PRSS53: variants seen among roughly 807,000 people sequenced by gnomAD.
The protein encoded by PRSS53 is EDTP308.
In PRSS53, 54 loss-of-function variants were observed where a neutral mutation model predicts 62.7. The ratio of observed to expected loss-of-function variants is 0.86; its 90% CI spans 0.69 to 1.08. PRSS53 has a LOEUF of 1.08. PRSS53 is among the 50% of genes least tolerant of loss of function. PRSS53 has a pLI of 0.00. For synonymous variants in PRSS53, 273 were observed against 300.0 expected, an observed-to-expected ratio of 0.91 and a Z score of 0.93; for missense variants, 688 against 728.3, an observed-to-expected ratio of 0.94 and a Z score of 0.64.
intron 1 of PRSS53, 77 bp from the exon 2 acceptor site, chr16:31,087,903 G>T (rs565753247): frequency 6.3e-7 from 1 of 1,590,302 alleles, no homozygotes; most frequent in Non-Finnish European, 8.6e-7. Flanking sequence ...GGATGGGCTG[G>T]GGGGCGGGCC....
intron 3 of PRSS53, 58 bp from the exon 4 acceptor site, chr16:31,086,956 T>G: frequency 6.7e-7 from 1 of 1,499,334 alleles, no homozygotes; most frequent in East Asian, 2.3e-5. Flanking sequence ...AGTGACACCA[T>G]GGGAGACCCC....
exon 5 of PRSS53, chr16:31,086,365 G>T (rs2143879240): frequency 6.2e-7 from 1 of 1,613,342 alleles, no homozygotes; most frequent in Middle Eastern, 1.7e-4. Context: ...CCCAGGCTGG[G>T]GGCCCCCACA....
At chr16:31,088,723 C>T in intron 1 of PRSS53, 29 bp downstream of exon 1, 1 of 1,612,660 alleles carries the variant, frequency 6.2e-7, no homozygotes, top group Non-Finnish European at 8.5e-7. Flanking sequence ...CACCAGGCCA[C>T]ACCCATACCC....
At chr16:31,086,348 C>T in exon 5 of PRSS53, 1 of 1,612,384 alleles carries the variant, frequency 6.2e-7, no homozygotes, top group East Asian at 2.2e-5. Context: ...TGACAGGGGC[C>T]CTGCACCCCA....
chr16:31,084,607 A>G, exon 9 of PRSS53: 1 of 1,607,274 alleles, frequency 6.2e-7, no homozygotes, highest in Non-Finnish European at 8.5e-7. Context: ...CATCCCCGGC[A>G]GAATAGGGCT....
Position 31,087,052 on chromosome 16 carries a change from A to G in PRSS53, c.243-154T>C, listed in dbSNP as rs912975703. On this transcript the variant is annotated intron_variant, in intron 3 of 10. Coordinates refer to ENST00000280606, the Ensembl canonical transcript of PRSS53. ...CGTCCTGTCGCCCAGGCTGCAGTGCAGTGGCATGACCATGACTCACTACAA... is the reference window on the plus strand; with the variant it reads ...CGTCCTGTCGCCCAGGCTGCAGTGCGGTGGCATGACCATGACTCACTACAA... 5.6e-5 allele frequency: 42 copies of G among 755,578 alleles called. No individual in the cohort carries two copies. In the African/African-American group the frequency reaches 6.0e-4, roughly 11 times the overall value. 46.8% of individuals were successfully genotyped at this position (755,578 alleles called of 1,614,324 possible). A position where few individuals can be genotyped will look rare whatever the true frequency, so the allele number is the denominator to read the frequency against.
chr16:31,084,490 G>T (rs957618672), intron 9 of PRSS53, 68 bp downstream of exon 9: 1 of 1,544,860 alleles, frequency 6.5e-7, no homozygotes, highest in African/African-American at 1.4e-5. Flanking sequence ...TGGAAGGTCC[G>T]TTCTTGAGCT....
At chr16:31,084,744 T>C (rs903270955) in intron 8 of PRSS53, 36 bp downstream of exon 8, 1 of 1,595,814 alleles carries the variant, frequency 6.3e-7, no homozygotes, top group African/African-American at 1.3e-5. Context: ...GCCTGCAGGT[T>C]GGATGGACAG....
exon 6 of PRSS53, chr16:31,086,113 A>G (rs1478688744): frequency 1.2e-6 from 2 of 1,613,584 alleles, no homozygotes; most frequent in South Asian, 1.1e-5. Context: ...GCTTGATGCA[A>G]AGCTGATGAT....
At chr16:31,084,757 G>A (rs1189949643) in intron 8 of PRSS53, 23 bp downstream of exon 8, 7 of 1,581,926 alleles carry the variant, frequency 4.4e-6, no homozygotes, top group South Asian at 3.4e-5. Context: ...ATGGACAGCA[G>A]CCCTGGCCCT....
chr16:31,087,603 G>A, exon 3 of PRSS53: 1 of 1,611,202 alleles, frequency 6.2e-7, no homozygotes, highest in Non-Finnish European at 8.5e-7. Context: ...GCAGATGTGG[G>A]CTCCTTGCCT....
At chr16:31,084,409 C>T in intron 9 of PRSS53, 74 bp from the exon 10 acceptor site, 1 of 1,515,716 alleles carries the variant, frequency 6.6e-7, no homozygotes, top group South Asian at 1.2e-5. Context: ...GCTAGGGAAC[C>T]TCTGGCTGTT....
At chr16:31,084,057 T>C in intron 10 of PRSS53, 62 bp downstream of exon 10, 1 of 1,531,692 alleles carries the variant, frequency 6.5e-7, no homozygotes, top group Non-Finnish European at 8.8e-7. Context: ...CGGCACGTTC[T>C]CACTGGAGAG....
intron 7 of PRSS53, 30 bp from the exon 8 acceptor site, chr16:31,085,054 G>A: frequency 3.1e-6 from 5 of 1,610,420 alleles, no homozygotes; most frequent in Non-Finnish European, 4.2e-6. Flanking sequence ...ACGGCACCAG[G>A]TGACAGGGCT....
intron 3 of PRSS53, 173 bp downstream of exon 3, chr16:31,087,364 C>T: frequency 1.6e-6 from 1 of 620,046 alleles, no homozygotes; most frequent in Non-Finnish European, 2.9e-6. Flanking sequence ...AATCTTCTAC[C>T]ATGAAAGGTG....
rs1254077037 is a variant in PRSS53, at chr16:31,084,103, C to T, written c.1642+16G>A. ...TGGAGAGGCAGGGTTTGGCAGGAGGCCCCGGGGCCACATACTTATGTTGGC... is the reference window on the plus strand; with the variant it reads ...TGGAGAGGCAGGGTTTGGCAGGAGGTCCCGGGGCCACATACTTATGTTGGC... On this transcript the variant is annotated intron_variant, in intron 10 of 10. Transcript: ENST00000280606. 5 of 1,557,036 alleles carry T rather than the reference C, an allele frequency of 3.2e-6. No homozygotes were observed. The South Asian group carries it at 4.7e-5, about 15-fold the overall frequency.
chr16:31,088,168 T>C, intron 1 of PRSS53: 4 of 1,268,474 alleles, frequency 3.2e-6, no homozygotes, highest in Non-Finnish European at 4.0e-6. Flanking sequence ...GTAGAGAGCA[T>C]TAGCTTAATT....
rs2057249278 is a variant in PRSS53 at position 31,087,703 on chromosome 16, TGGAAA to T, written c.80-9_80-5del. 6.2e-7 allele frequency: 1 copy of T among 1,613,582 alleles called. No individual in the cohort carries two copies. Among genetic ancestry groups the T allele is most frequent in the Non-Finnish European group, 8.5e-7 (1 of 1,179,814 alleles). ...CCGGGGCCACGCTGTCCACAGGCTGTGGAAAGGAGTTAGTCACACTGACAGCAGAT... is the reference window on the plus strand; with the variant it reads ...CCGGGGCCACGCTGTCCACAGGCTGTGGAGTTAGTCACACTGACAGCAGAT... On this transcript the variant is annotated splice_region_variant and splice_polypyrimidine_tract_variant and intron_variant, in intron 2 of 10. Transcript: ENST00000280606.
exon 8 of PRSS53, chr16:31,084,817 C>A: frequency 6.5e-7 from 1 of 1,541,582 alleles, no homozygotes; most frequent in East Asian, 2.4e-5. Context: ...CCCAGCCACG[C>A]TCCCCATCAG....
Sources: allele counts gnomAD v4.1 joint callset, GRCh38; gene constraint gnomAD v4.1.1; transcripts MANE v1.5; gene names NCBI Gene and HGNC (gene_info 2026-07-23, HGNC 2026-07-21).